DCC: variants seen among roughly 807,000 people sequenced by gnomAD.
DCC encodes DCC netrin 1 receptor, also known as netrin receptor DCC.
DCC carries 58 observed loss-of-function variants against 172.5 expected under a neutral mutation model. That is an observed-to-expected ratio of 0.34 (90% confidence interval 0.27 to 0.42). DCC has a LOEUF of 0.42. Ranked by LOEUF, DCC falls within the 10% of genes least tolerant of loss-of-function variation. The pLI is 1.00. For missense variants in DCC, 1,740 were observed against 1,791.0 expected (o/e 0.97, Z 0.51); for synonymous variants, 709 against 644.5 (o/e 1.10, Z -1.52).
intron 1 of DCC, among the ~76,000 whole-genome samples, chr18:52,573,673 C>A (rs1021222887): frequency 1.3e-5 from 2 of 152,162 alleles, no homozygotes; most frequent in African/African-American, 2.4e-5. Context: ...GTTGACCTAG[C>A]CCACTGACTC....
intron 7 of DCC, among the ~76,000 whole-genome samples, chr18:53,136,114 C>A (rs1380417448): frequency 2.1e-5 from 3 of 143,028 alleles, no homozygotes; most frequent in Non-Finnish European, 3.0e-5. Flanking sequence ...TAAATATCTG[C>A]AGTTGTAAAA....
chr18:53,051,651 C>T (rs1013420938), intron 5 of DCC, among the ~76,000 whole-genome samples: 2 of 151,982 alleles, frequency 1.3e-5, no homozygotes, highest in Non-Finnish European at 2.9e-5. Flanking sequence ...AACATTACTC[C>T]ATTGTATTCT....
chr18:52,456,676 T>A (rs563790977), intron 1 of DCC, among the ~76,000 whole-genome samples: 1 of 152,198 alleles, frequency 6.6e-6, no homozygotes, highest in Non-Finnish European at 1.5e-5. Context: ...TAAGAGGATA[T>A]GGAAGACACA....
Position 52,540,972 on chromosome 18 carries a change from G to T in DCC, c.91+200094G>T, listed in dbSNP as rs189343106. Among the ~76,000 whole-genome samples the T allele has an allele frequency of 6.0e-4, 92 of 152,224 alleles. 1 individual carries two copies. Among genetic ancestry groups the T allele is most frequent in the African/African-American group, 2.1e-3 (89 of 41,526 alleles). On this transcript the variant is annotated intron_variant, in intron 1 of 28. Coordinates refer to ENST00000442544, the MANE Select transcript of DCC (RefSeq NM_005215.4). Reference sequence around the variant, plus strand: ...TCAAACATGAGGTTGTATTGCAATTGGGTGGTGATAGCAAGAATATCAAGG... The same window carrying T: ...TCAAACATGAGGTTGTATTGCAATTTGGTGGTGATAGCAAGAATATCAAGG...
At chr18:53,283,595 A>T (rs1598981537) in intron 12 of DCC, among the ~76,000 whole-genome samples, 1 of 152,208 alleles carries the variant, frequency 6.6e-6, no homozygotes, top group Non-Finnish European at 1.5e-5. Flanking sequence ...TGCTTATTCC[A>T]TTGCTCACTG....
chr18:52,356,111 A>G (rs984378309), intron 1 of DCC, among the ~76,000 whole-genome samples: 1 of 152,214 alleles, frequency 6.6e-6, no homozygotes, highest in Non-Finnish European at 1.5e-5. Flanking sequence ...AGATGTGGCA[A>G]GGTCATCTGA....
chr18:52,516,886 A>G (rs1223592650), intron 1 of DCC, among the ~76,000 whole-genome samples: 1 of 152,210 alleles, frequency 6.6e-6, no homozygotes, highest in African/African-American at 2.4e-5. Flanking sequence ...CCTGCATATT[A>G]CAATAATTAT....
intron 1 of DCC, among the ~76,000 whole-genome samples, chr18:52,711,844 C>G (rs992754364): frequency 8.5e-5 from 13 of 152,156 alleles, no homozygotes; most frequent in African/African-American, 3.1e-4. Context: ...CAATGCCTGA[C>G]TTTTCTGTAT....
At chr18:52,836,095 G>A (rs1337313183) in intron 2 of DCC, among the ~76,000 whole-genome samples, 1 of 152,172 alleles carries the variant, frequency 6.6e-6, no homozygotes, top group Non-Finnish European at 1.5e-5. Context: ...GGGGAAGCCT[G>A]TTATAAAGCC....
intron 2 of DCC, among the ~76,000 whole-genome samples, chr18:52,898,196 G>A (rs2039759627): frequency 6.6e-6 from 1 of 152,142 alleles, no homozygotes; most frequent in Non-Finnish European, 1.5e-5. Flanking sequence ...CAACCCCAAG[G>A]TCTGTCCCCC....
chr18:53,112,089 TA>T (rs34715252), intron 7 of DCC, among the ~76,000 whole-genome samples: 5 of 149,732 alleles, frequency 3.3e-5, no homozygotes, highest in Admixed American at 2.7e-4. Context: ...ACTACAGGGG[TA>T]AAAAAAAACA....
At chr18:52,713,512 T>C (rs1173643501) in intron 1 of DCC, among the ~76,000 whole-genome samples, 1 of 152,126 alleles carries the variant, frequency 6.6e-6, no homozygotes, top group East Asian at 1.9e-4. Context: ...CCTCTTAATG[T>C]TTTGAAGCAC....
intron 22 of DCC, among the ~76,000 whole-genome samples, chr18:53,445,604 C>T (rs992495968): frequency 3.3e-5 from 5 of 151,920 alleles, no homozygotes; most frequent in Non-Finnish European, 5.9e-5. Flanking sequence ...TTTATGAGAG[C>T]AAAATATGAT....
chr18:53,063,285 T>C lies in DCC; in HGVS notation c.986-20T>C. ...CACATCCCCACCCACTCACTCACTT[T>C]TTTTTTTCTGTCTTTGCAGTTCCGC... On this transcript the variant is annotated intron_variant, in intron 5 of 28. Transcript: ENST00000442544. The C allele has an allele frequency of 1.2e-6, 2 of 1,612,784 alleles. 1 individual carries two copies. The highest frequency in any genetic ancestry group is 2.2e-5 in the South Asian group (2 of 91,048).
chr18:53,505,063 C>T (rs910860288), intron 27 of DCC, among the ~76,000 whole-genome samples: 1 of 152,020 alleles, frequency 6.6e-6, no homozygotes, highest in Admixed American at 6.6e-5. Flanking sequence ...ATTAAATATT[C>T]TTTAGGAGGA....
intron 7 of DCC, among the ~76,000 whole-genome samples, chr18:53,083,434 C>T (rs1404077076): frequency 1.3e-5 from 2 of 152,136 alleles, no homozygotes; most frequent in Non-Finnish European, 2.9e-5. Context: ...GTTTCCCCTA[C>T]ATTTTATACA....
chr18:52,655,349 C>T (rs889470730), intron 1 of DCC, among the ~76,000 whole-genome samples: 2 of 152,124 alleles, frequency 1.3e-5, no homozygotes, highest in South Asian at 2.1e-4. Flanking sequence ...AATTAATAAT[C>T]GAGCCATAGA....
intron 7 of DCC, among the ~76,000 whole-genome samples, chr18:53,093,745 CTT>C (rs1186437532): frequency 2.6e-5 from 4 of 152,190 alleles, no homozygotes; most frequent in African/African-American, 9.6e-5. Flanking sequence ...GCTTGAGTGT[CTT>C]TTTTATTTTC....
chr18:53,389,212 T>A (rs1326604923), intron 16 of DCC, among the ~76,000 whole-genome samples: 2 of 152,184 alleles, frequency 1.3e-5, no homozygotes, highest in East Asian at 3.9e-4. Context: ...TTACTAAATT[T>A]TTTTTCAATT....
Sources: allele counts gnomAD v4.1 joint callset (sites outside exome capture counted in the v4.1 genomes callset), GRCh38; gene constraint gnomAD v4.1.1; transcripts MANE v1.5; gene names NCBI Gene and HGNC (gene_info 2026-07-23, HGNC 2026-07-21).